The following CDH18 variants were observed in gnomAD, a reference collection of about 807,000 sequenced individuals.
CDH18 encodes cadherin-18.
CDH18 carries 31 observed loss-of-function variants against 67.9 expected under a neutral mutation model. That is an observed-to-expected ratio of 0.46 (90% confidence interval 0.34 to 0.62). The LOEUF is 0.62. Among genes scored for constraint, CDH18 ranks in the 20% least tolerant of loss-of-function variants. The probability of loss-of-function intolerance (pLI) is 0.01; values close to 1 mark genes in which losing one functional copy is unlikely to be tolerated. For missense variants in CDH18, 890 were observed against 975.5 expected (o/e 0.91, Z 1.17); for synonymous variants, 362 against 347.2 (o/e 1.04, Z -0.48).
intron 2 of CDH18, among the ~76,000 whole-genome samples, chr5:20,224,520 G>T (rs1363476507): frequency 6.8e-6 from 1 of 148,116 alleles, no homozygotes; most frequent in Admixed American, 6.7e-5. Context: ...AAATCCTTAG[G>T]TTTTTTTTTT....
chr5:20,065,632 C>T (rs1742914853), intron 2 of CDH18, among the ~76,000 whole-genome samples: 1 of 151,988 alleles, frequency 6.6e-6, no homozygotes. Flanking sequence ...AGAACACTTA[C>T]ATTTGCCTAC....
chr5:19,689,896 A>G (rs13171167), intron 5 of CDH18, among the ~76,000 whole-genome samples: 85,081 of 151,394 alleles, frequency 0.56, 27,080 homozygotes, highest in East Asian at 0.74. Flanking sequence ...AGACACATAT[A>G]GACTGAAAGT....
chr5:19,771,754 C>T (rs1193858542), intron 3 of CDH18, among the ~76,000 whole-genome samples: 1 of 152,134 alleles, frequency 6.6e-6, no homozygotes, highest in Non-Finnish European at 1.5e-5. Flanking sequence ...AAAAACACAT[C>T]GACTTTGGCT....
intron 1 of CDH18, among the ~76,000 whole-genome samples, chr5:20,545,996 C>G (rs1757321135): frequency 1.3e-5 from 2 of 152,148 alleles, no homozygotes; most frequent in South Asian, 4.1e-4. Context: ...ATCTTGAATG[C>G]TTTGCTGCTT....
chr5:20,202,695 A>G (rs1358932846), intron 2 of CDH18, among the ~76,000 whole-genome samples: 1 of 151,650 alleles, frequency 6.6e-6, no homozygotes, highest in Non-Finnish European at 1.5e-5. Flanking sequence ...TGCTAGGATC[A>G]TTTTCAGAAT....
chr5:20,538,904 T>TG (rs1756883732), intron 1 of CDH18, among the ~76,000 whole-genome samples: 3 of 127,616 alleles, frequency 2.4e-5, no homozygotes, highest in African/African-American at 3.4e-5. Flanking sequence ...AACTGTTTTT[T>TG]TTTTGTTTTT....
At chr5:20,092,309 C>T (rs77225109) in intron 2 of CDH18, among the ~76,000 whole-genome samples, 2 of 151,986 alleles carry the variant, frequency 1.3e-5, no homozygotes, top group African/African-American at 4.8e-5. Flanking sequence ...ATTCTGTTTC[C>T]CATGGTGTTT....
chr5:20,322,703 GA>G lies in CDH18; in HGVS notation c.-579-67199del, dbSNP rs909383301. Reference sequence around the variant, plus strand: ...AGAAGGTTCTAAACTGAAGCTGCAAGAAAAAAAATATAATTCTTCAAAGAAG... The same window carrying G: ...AGAAGGTTCTAAACTGAAGCTGCAAGAAAAAAATATAATTCTTCAAAGAAG... On this transcript the variant is annotated intron_variant, in intron 1 of 14. Coordinates refer to the CDH18 transcript ENST00000507958. 2.5e-4 allele frequency among the ~76,000 whole-genome samples: 38 copies of G among 151,880 alleles called. 2 individuals carry two copies. The East Asian group carries it at 7.0e-3, about 28-fold the overall frequency.
chr5:20,360,202 A>T (rs1222471062), intron 1 of CDH18, among the ~76,000 whole-genome samples: 1 of 151,034 alleles, frequency 6.6e-6, no homozygotes, highest in Non-Finnish European at 1.5e-5. Flanking sequence ...GACTAATAAC[A>T]CAGGCATGAA....
At chr5:19,969,208 G>A (rs958629689) in intron 2 of CDH18, among the ~76,000 whole-genome samples, 2 of 147,982 alleles carry the variant, frequency 1.4e-5, no homozygotes, top group Non-Finnish European at 2.9e-5. Context: ...GTGCTGGAGA[G>A]GATGTGGAGA....
At chr5:20,124,048 C>A (rs1163303311) in intron 2 of CDH18, among the ~76,000 whole-genome samples, 1 of 151,968 alleles carries the variant, frequency 6.6e-6, no homozygotes, top group Non-Finnish European at 1.5e-5. Context: ...TGTAAGGATA[C>A]AAATCATAGT....
intron 2 of CDH18, among the ~76,000 whole-genome samples, chr5:20,020,279 T>C (rs991794735): frequency 2.6e-5 from 4 of 152,142 alleles, no homozygotes; most frequent in Admixed American, 1.3e-4. Flanking sequence ...ACCGTGAGGA[T>C]AGAAAATGGG....
intron 2 of CDH18, among the ~76,000 whole-genome samples, chr5:19,976,773 T>A (rs1271206878): frequency 2.8e-5 from 4 of 141,774 alleles, no homozygotes. Flanking sequence ...GACTAACTTA[T>A]GGCAACATGA....
At chr5:19,556,567 C>T (rs1738458835) in intron 8 of CDH18, among the ~76,000 whole-genome samples, 1 of 151,444 alleles carries the variant, frequency 6.6e-6, no homozygotes, top group Non-Finnish European at 1.5e-5. Context: ...TCCAATCCAA[C>T]TAAGAAAAAG....
chr5:20,379,309 C>A (rs920922704), intron 1 of CDH18, among the ~76,000 whole-genome samples: 2 of 152,054 alleles, frequency 1.3e-5, no homozygotes, highest in South Asian at 4.1e-4. Context: ...TTACTTATTG[C>A]ATAATAGAAG....
At chr5:20,247,801 CT>C in intron 2 of CDH18, among the ~76,000 whole-genome samples, 1 of 150,528 alleles carries the variant, frequency 6.6e-6, no homozygotes. Context: ...AACGACAAGT[CT>C]AATAGTTCAA....
chr5:19,921,115 G>A (rs1792394810), intron 2 of CDH18, among the ~76,000 whole-genome samples: 1 of 152,068 alleles, frequency 6.6e-6, no homozygotes. Context: ...AAATGCACTT[G>A]AGGAAACAAT....
chr5:19,682,643 T>C (rs1022530422), intron 5 of CDH18, among the ~76,000 whole-genome samples: 1 of 152,130 alleles, frequency 6.6e-6, no homozygotes, highest in African/African-American at 2.4e-5. Flanking sequence ...CTTTGTGAGT[T>C]ACTCAATGTC....
intron 6 of CDH18, 82 bp from the exon 7 acceptor site, chr5:19,591,326 C>T (rs1300613228): frequency 5.0e-6 from 5 of 994,370 alleles, no homozygotes; most frequent in Non-Finnish European, 7.0e-6. Context: ...ATTTAGAGCA[C>T]ATATTCAAAT....
Sources: allele counts gnomAD v4.1 joint callset (sites outside exome capture counted in the v4.1 genomes callset), GRCh38; gene constraint gnomAD v4.1.1; transcripts MANE v1.5; gene names NCBI Gene and HGNC (gene_info 2026-07-23, HGNC 2026-07-21).